The following MDGA2 variants were observed in gnomAD, a reference collection of about 807,000 sequenced individuals.
MDGA2 encodes MAM domain-containing glycosylphosphatidylinositol anchor protein 2.
A neutral mutation model predicts 117.8 loss-of-function variants in MDGA2; 40 were observed. The observed-to-expected ratio is 0.34, with a 90% CI of 0.26 to 0.44. The LOEUF (loss-of-function observed/expected upper bound fraction) is 0.44, where lower values mean the gene tolerates loss of function less well. Ranked by LOEUF, MDGA2 falls within the 20% of genes least tolerant of loss-of-function variation. MDGA2 has a pLI of 1.00. For synonymous variants in MDGA2, 452 were observed against 439.0 expected, an observed-to-expected ratio of 1.03 and a Z score of -0.37; for missense variants, 1,123 against 1,250.6, an observed-to-expected ratio of 0.90 and a Z score of 1.54.
intron 3 of MDGA2, among the ~76,000 whole-genome samples, chr14:47,149,830 A>G (rs1053523606): frequency 6.6e-6 from 1 of 151,946 alleles, no homozygotes; most frequent in African/African-American, 2.4e-5. Flanking sequence ...ACTTGATCCT[A>G]TTTTCCATCC....
At chr14:47,393,739 T>C (rs965488105) in intron 1 of MDGA2, among the ~76,000 whole-genome samples, 3 of 152,148 alleles carry the variant, frequency 2.0e-5, no homozygotes, top group East Asian at 1.9e-4. Flanking sequence ...ACATTCTACA[T>C]TGATATGATC....
intron 3 of MDGA2, among the ~76,000 whole-genome samples, chr14:47,156,246 A>G (rs1883384478): frequency 6.6e-6 from 1 of 152,014 alleles, no homozygotes; most frequent in Non-Finnish European, 1.5e-5. Context: ...TATTTTTCAG[A>G]AGGTTTTCAT....
At chr14:47,131,588 C>T in intron 5 of MDGA2, 126 bp downstream of exon 5, 1 of 632,738 alleles carries the variant, frequency 1.6e-6, no homozygotes, top group Non-Finnish European at 2.5e-6. Context: ...CCAGGATTTT[C>T]TGGGAATAAA....
chr14:47,637,313 G>A (rs764066049), intron 1 of MDGA2, among the ~76,000 whole-genome samples: 1 of 152,116 alleles, frequency 6.6e-6, no homozygotes, highest in Non-Finnish European at 1.5e-5. Flanking sequence ...GGTTTTGTTG[G>A]TTGTTAAGAT....
intron 1 of MDGA2, among the ~76,000 whole-genome samples, chr14:47,540,904 C>T: frequency 6.6e-6 from 1 of 152,014 alleles, no homozygotes; most frequent in South Asian, 2.1e-4. Context: ...ATCTGCCATG[C>T]ACATTAAAAC....
At chr14:47,576,096 G>A (rs1272167135) in intron 1 of MDGA2, among the ~76,000 whole-genome samples, 1 of 152,078 alleles carries the variant, frequency 6.6e-6, no homozygotes, top group African/African-American at 2.4e-5. Context: ...CAATCACAGA[G>A]ACTGTTTATA....
intron 9 of MDGA2, among the ~76,000 whole-genome samples, chr14:46,947,875 T>A (rs996049658): frequency 6.6e-6 from 1 of 152,062 alleles, no homozygotes; most frequent in Non-Finnish European, 1.5e-5. Context: ...TTCATTTAAT[T>A]TTATTTCTGC....
chr14:46,877,111 T>C (rs1200227380), intron 12 of MDGA2, among the ~76,000 whole-genome samples: 1 of 151,530 alleles, frequency 6.6e-6, no homozygotes, highest in Non-Finnish European at 1.5e-5. Flanking sequence ...CATACTCTTT[T>C]ATAAGTGGAA....
intron 8 of MDGA2, among the ~76,000 whole-genome samples, chr14:46,961,960 T>A (rs553024027): frequency 6.6e-6 from 1 of 152,132 alleles, no homozygotes; most frequent in Admixed American, 6.5e-5. Flanking sequence ...ATAATTTCAA[T>A]TGAAGTTTTG....
chr14:46,898,619 G>A (rs1883170642), intron 10 of MDGA2, among the ~76,000 whole-genome samples: 1 of 152,032 alleles, frequency 6.6e-6, no homozygotes, highest in Non-Finnish European at 1.5e-5. Flanking sequence ...ATGTTCTTTG[G>A]TACTTGACAA....
At chr14:47,378,637 T>A (rs1555377423) in intron 1 of MDGA2, among the ~76,000 whole-genome samples, 1 of 151,910 alleles carries the variant, frequency 6.6e-6, no homozygotes, top group Non-Finnish European at 1.5e-5. Flanking sequence ...ATCAAATGAA[T>A]GAAATGAAGT....
chr14:47,570,271 G>A (rs1895994725), intron 1 of MDGA2, among the ~76,000 whole-genome samples: 1 of 151,850 alleles, frequency 6.6e-6, no homozygotes, highest in Non-Finnish European at 1.5e-5. Flanking sequence ...TATATTCTTG[G>A]TGCAAATGTA....
chr14:47,020,891 A>C (rs1888261822), intron 8 of MDGA2, among the ~76,000 whole-genome samples: 1 of 152,168 alleles, frequency 6.6e-6, no homozygotes, highest in South Asian at 2.1e-4. Flanking sequence ...GGAAGAAAAA[A>C]AAAAATTAGA....
At chr14:47,445,500 A>G (rs1483894483) in intron 1 of MDGA2, among the ~76,000 whole-genome samples, 2 of 152,142 alleles carry the variant, frequency 1.3e-5, no homozygotes, top group East Asian at 3.9e-4. Flanking sequence ...TGCATACTCT[A>G]TTTAAATTGT....
intron 8 of MDGA2, among the ~76,000 whole-genome samples, chr14:46,985,636 G>T (rs547699652): frequency 2.0e-5 from 3 of 152,158 alleles, no homozygotes; most frequent in Non-Finnish European, 2.9e-5. Flanking sequence ...ATAGAATATG[G>T]CACTTATCCT....
intron 1 of MDGA2, among the ~76,000 whole-genome samples, chr14:47,531,620 G>C (rs915584937): frequency 2.0e-5 from 3 of 151,248 alleles, no homozygotes; most frequent in Non-Finnish European, 2.9e-5. Context: ...TAGGAGCATA[G>C]CATGTTCACT....
intron 2 of MDGA2, among the ~76,000 whole-genome samples, chr14:47,226,583 C>A (rs1023652327): frequency 6.6e-6 from 1 of 152,028 alleles, no homozygotes; most frequent in African/African-American, 2.4e-5. Flanking sequence ...TGGAGCACTA[C>A]GATAGGGCCT....
At chr14:46,992,401 A>G (rs1887125648) in intron 8 of MDGA2, among the ~76,000 whole-genome samples, 1 of 152,142 alleles carries the variant, frequency 6.6e-6, no homozygotes, top group African/African-American at 2.4e-5. Context: ...TGATTAGTTA[A>G]GTTTTGAACA....
At chr14:47,351,220 T>C (rs920429942) in intron 1 of MDGA2, among the ~76,000 whole-genome samples, 2 of 152,028 alleles carry the variant, frequency 1.3e-5, no homozygotes, top group Admixed American at 1.3e-4. Context: ...TAGCTGGGAT[T>C]ACAGGCGCCT....
Sources: allele counts gnomAD v4.1 joint callset (sites outside exome capture counted in the v4.1 genomes callset), GRCh38; gene constraint gnomAD v4.1.1; transcripts MANE v1.5; gene names NCBI Gene and HGNC (gene_info 2026-07-23, HGNC 2026-07-21).